Variants in DLGAP1 observed in about 807,000 individuals in gnomAD.
The protein encoded by DLGAP1 is DLG associated protein 1.
In DLGAP1, 11 loss-of-function variants were observed where a neutral mutation model predicts 90.8. That is an observed-to-expected ratio of 0.12 (90% CI 0.08 to 0.20). The LOEUF (loss-of-function observed/expected upper bound fraction) is 0.20. Ranked by LOEUF, DLGAP1 falls within the 10% of genes least tolerant of loss-of-function variation. DLGAP1 has a pLI of 1.00. For synonymous variants in DLGAP1, 558 were observed against 540.7 expected (o/e 1.03, Z -0.44); for missense variants, 1,050 against 1,333.8 (o/e 0.79, Z 3.31).
At chr18:3,842,988 T>A (rs867071948) in intron 4 of DLGAP1, among the ~76,000 whole-genome samples, 1 of 152,194 alleles carries the variant, frequency 6.6e-6, no homozygotes, top group Admixed American at 6.5e-5. Context: ...GGAACAAATC[T>A]GTTTGCTGCC....
intron 2 of DLGAP1, among the ~76,000 whole-genome samples, chr18:4,019,415 C>T (rs775939060): frequency 5.9e-5 from 9 of 152,070 alleles, no homozygotes; most frequent in Non-Finnish European, 1.2e-4. Flanking sequence ...CTTATAAATA[C>T]ACATTTTCAT....
At chr18:4,321,279 A>G (rs2080679180) in intron 1 of DLGAP1, among the ~76,000 whole-genome samples, 2 of 152,230 alleles carry the variant, frequency 1.3e-5, no homozygotes, top group Non-Finnish European at 2.9e-5. Flanking sequence ...TAGCCATAAA[A>G]CATTAATTAC....
At chr18:3,900,480 C>T (rs111987098) in intron 3 of DLGAP1, among the ~76,000 whole-genome samples, 5 of 152,174 alleles carry the variant, frequency 3.3e-5, no homozygotes, top group East Asian at 1.9e-4. Context: ...TCCCTCCTAA[C>T]GAGAATTCTT....
chr18:3,633,181 C>T (rs1004491579), intron 7 of DLGAP1, among the ~76,000 whole-genome samples: 6 of 152,020 alleles, frequency 3.9e-5, no homozygotes, highest in African/African-American at 1.2e-4. Context: ...GCAAATCATT[C>T]GGTCAAGACA....
At chr18:4,221,098 C>A (rs576274012) in intron 1 of DLGAP1, among the ~76,000 whole-genome samples, 10 of 152,072 alleles carry the variant, frequency 6.6e-5, no homozygotes, top group Non-Finnish European at 1.5e-4. Flanking sequence ...GTTTGCACAA[C>A]AATGAACTTG....
chr18:3,562,309 G>A (rs1392870262), intron 9 of DLGAP1, among the ~76,000 whole-genome samples: 6 of 152,076 alleles, frequency 3.9e-5, no homozygotes, highest in African/African-American at 1.4e-4. Context: ...CTTAGGGCCA[G>A]GAGTTCAAGT....
intron 1 of DLGAP1, among the ~76,000 whole-genome samples, chr18:4,250,421 C>G (rs2078756634): frequency 6.6e-6 from 1 of 152,120 alleles, no homozygotes; most frequent in Non-Finnish European, 1.5e-5. Context: ...TCACACTGTT[C>G]CTCTGTACCT....
chr18:4,080,768 G>A (rs1273810318), intron 2 of DLGAP1, among the ~76,000 whole-genome samples: 1 of 152,070 alleles, frequency 6.6e-6, no homozygotes. Context: ...GGCTGTTTTT[G>A]CTCATCCTGT....
intron 1 of DLGAP1, among the ~76,000 whole-genome samples, chr18:4,411,334 T>C (rs531833890): frequency 5.0e-4 from 76 of 152,310 alleles, no homozygotes; most frequent in Non-Finnish European, 1.0e-4. Flanking sequence ...GGTACAGTTA[T>C]TAAAACTTTT....
chr18:4,124,378 G>A (rs750569168), intron 2 of DLGAP1, among the ~76,000 whole-genome samples: 1 of 152,194 alleles, frequency 6.6e-6, no homozygotes, highest in Non-Finnish European at 1.5e-5. Flanking sequence ...GCCTCTAAAA[G>A]TCATTATATC....
intron 7 of DLGAP1, among the ~76,000 whole-genome samples, chr18:3,652,074 G>A (rs1208309556): frequency 4.0e-5 from 6 of 150,296 alleles, no homozygotes; most frequent in African/African-American, 1.5e-4. Flanking sequence ...TGAGGCACGA[G>A]AATTGCTTGA....
At chr18:3,960,460 T>C (rs1057058300) in intron 3 of DLGAP1, among the ~76,000 whole-genome samples, 4 of 151,322 alleles carry the variant, frequency 2.6e-5, no homozygotes, top group East Asian at 3.9e-4. Flanking sequence ...CTAATGGGGG[T>C]TGGGGAAGAG....
intron 4 of DLGAP1, chr18:3,845,594 A>T: frequency 1.0e-6 from 1 of 985,462 alleles, no homozygotes; most frequent in African/African-American, 1.7e-5. Flanking sequence ...TCCCAGCAAA[A>T]TCATATTGCT....
chr18:3,982,750 A>G (rs921779828), intron 3 of DLGAP1, among the ~76,000 whole-genome samples: 5 of 152,342 alleles, frequency 3.3e-5, no homozygotes, highest in East Asian at 1.9e-4. Flanking sequence ...ACTGGTTGGT[A>G]TATTCTACAA....
chr18:4,356,895 C>T, intron 1 of DLGAP1, among the ~76,000 whole-genome samples: 1 of 152,164 alleles, frequency 6.6e-6, no homozygotes, highest in Admixed American at 6.5e-5. Context: ...GGACGTGCCA[C>T]ATACATGTCA....
chr18:3,574,865 A>T (rs1568224395), intron 8 of DLGAP1, among the ~76,000 whole-genome samples: 1 of 150,582 alleles, frequency 6.6e-6, no homozygotes, highest in Non-Finnish European at 1.5e-5. Context: ...CCCAGGCTGG[A>T]GTGCAGTGGC....
At chr18:4,186,775 A>G (rs1568440384) in intron 1 of DLGAP1, among the ~76,000 whole-genome samples, 1 of 151,952 alleles carries the variant, frequency 6.6e-6, no homozygotes, top group African/African-American at 2.4e-5. Flanking sequence ...TTTGGTCAAC[A>G]TGGATTTTAA....
At position 4,140,066 on chromosome 18, in the gene DLGAP1, T is replaced by C. The variant is rs78337451; in HGVS notation, c.-159+11114A>G. Among the ~76,000 whole-genome samples, 697 of 152,074 alleles carry C rather than the reference T, an allele frequency of 4.6e-3. 8 individuals are homozygous for C. The highest frequency in any genetic ancestry group is 0.015 in the African/African-American group (643 of 41,552). Reference sequence around the variant, plus strand: ...TTGTCTTTTATCCATTCAGCCACTCTGTCTTTTGACTGGCAAGTTAAATCC... The same window carrying C: ...TTGTCTTTTATCCATTCAGCCACTCCGTCTTTTGACTGGCAAGTTAAATCC... On this transcript the variant is annotated intron_variant, in intron 2 of 12. Transcript: ENST00000315677.
At chr18:3,721,010 T>C (rs1193037994) in intron 7 of DLGAP1, among the ~76,000 whole-genome samples, 1 of 151,796 alleles carries the variant, frequency 6.6e-6, no homozygotes, top group Non-Finnish European at 1.5e-5. Context: ...GAGCTGGGAT[T>C]GCACCACTGT....
Sources: gnomAD v4.1 joint callset for allele counts (sites outside exome capture counted in the v4.1 genomes callset) on GRCh38, gnomAD v4.1.1 for gene constraint, MANE v1.5 for transcripts, NCBI Gene and HGNC (gene_info 2026-07-23, HGNC 2026-07-21) for gene names.